The following CSMD3 variants were observed in gnomAD, a reference collection of about 807,000 sequenced individuals.
CSMD3 encodes the protein CUB and Sushi multiple domains 3, also known as CUB and sushi domain-containing protein 3.
CSMD3 carries 177 observed loss-of-function variants against 435.2 expected under a neutral mutation model. That is an observed-to-expected ratio of 0.41 (90% CI 0.36 to 0.46). The LOEUF (loss-of-function observed/expected upper bound fraction) is 0.46, where lower values mean the gene tolerates loss of function less well. Among genes scored for constraint, CSMD3 ranks in the 20% least tolerant of loss-of-function variants. CSMD3 has a pLI of 0.34. For synonymous variants in CSMD3, 1,656 were observed against 1,520.5 expected (o/e 1.09, Z -2.07); for missense variants, 4,265 against 4,504.6 (o/e 0.95, Z 1.52).
At position 113,030,150 on chromosome 8, in the gene CSMD3, C is replaced by G. The variant is rs554317604; in HGVS notation, c.918-10971G>C. On this transcript the variant is annotated intron_variant, in intron 5 of 70. Transcript: ENST00000297405. ...TAGACAACACAAACAAATGGAAACA[C>G]ATCCCATGCTCATGGATGGGTGGAA... Among the ~76,000 whole-genome samples the G allele has an allele frequency of 6.6e-5, 10 of 151,422 alleles. 1 individual carries two copies. The highest frequency in any genetic ancestry group is 1.0e-4 in the Non-Finnish European group (7 of 67,670).
intron 20 of CSMD3, among the ~76,000 whole-genome samples, chr8:112,639,673 G>T (rs1211529216): frequency 1.3e-5 from 2 of 152,002 alleles, no homozygotes; most frequent in Admixed American, 6.6e-5. Context: ...TTATAGATTG[G>T]AATCATATAT....
intron 1 of CSMD3, among the ~76,000 whole-genome samples, chr8:113,395,608 C>CA (rs34549872): frequency 0.058 from 6,411 of 110,464 alleles, 198 homozygotes; most frequent in African/African-American, 0.081. Context: ...GACTCCGTCT[C>CA]AAAAAAAAAA....
intron 2 of CSMD3, among the ~76,000 whole-genome samples, chr8:113,284,733 C>T (rs1286335012): frequency 6.6e-6 from 1 of 151,928 alleles, no homozygotes; most frequent in African/African-American, 2.4e-5. Flanking sequence ...GCTATTTTTC[C>T]ATGTAATTAT....
At chr8:112,874,316 G>GT (rs902452920) in intron 10 of CSMD3, among the ~76,000 whole-genome samples, 8 of 152,084 alleles carry the variant, frequency 5.3e-5, no homozygotes, top group Non-Finnish European at 7.4e-5. Context: ...GATGAGGAGT[G>GT]TTTTACTTCC....
At chr8:112,894,361 G>T (rs566411272) in intron 10 of CSMD3, among the ~76,000 whole-genome samples, 2 of 151,280 alleles carry the variant, frequency 1.3e-5, no homozygotes, top group East Asian at 2.0e-4. Context: ...GTCACAGGGT[G>T]AGCACTCTAA....
At chr8:113,031,820 T>C (rs1208455147) in intron 5 of CSMD3, among the ~76,000 whole-genome samples, 1 of 151,544 alleles carries the variant, frequency 6.6e-6, no homozygotes. Context: ...CCAAATCTCA[T>C]CTTGAATTGT....
chr8:112,277,745 T>C lies in CSMD3; in HGVS notation c.9508+3429A>G, dbSNP rs554376707. The stretch of plus-strand genomic sequence containing the variant: ...AGTGGCTGGGGAGGCCTCACAATTA[T>C]AGCAGAAGGAGAAAGGCACATCTTA... On this transcript the variant is annotated intron_variant, in intron 59 of 70. Coordinates refer to ENST00000297405, the MANE Select transcript of CSMD3 (RefSeq NM_198123.2). 3.9e-5 allele frequency among the ~76,000 whole-genome samples: 6 copies of C among 152,212 alleles called. No individual in the cohort carries two copies. The South Asian group carries it at 1.2e-3, about 32-fold the overall frequency.
At chr8:112,694,349 T>G (rs2076206443) in intron 13 of CSMD3, among the ~76,000 whole-genome samples, 1 of 152,118 alleles carries the variant, frequency 6.6e-6, no homozygotes, top group Non-Finnish European at 1.5e-5. Flanking sequence ...AAACATTTAT[T>G]TATATGTTTA....
chr8:113,261,975 T>C (rs1237018538), intron 3 of CSMD3, among the ~76,000 whole-genome samples: 1 of 152,080 alleles, frequency 6.6e-6, no homozygotes, highest in South Asian at 2.1e-4. Flanking sequence ...CCACTTCACA[T>C]TTTGAAGAAT....
At chr8:112,383,169 G>A (rs1829630984) in intron 37 of CSMD3, among the ~76,000 whole-genome samples, 1 of 151,836 alleles carries the variant, frequency 6.6e-6, no homozygotes, top group African/African-American at 2.4e-5. Flanking sequence ...TCATTTAACA[G>A]TACCTTGTAG....
At chr8:112,673,822 T>C (rs983098987) in intron 16 of CSMD3, among the ~76,000 whole-genome samples, 6 of 151,980 alleles carry the variant, frequency 3.9e-5, no homozygotes, top group African/African-American at 1.4e-4. Flanking sequence ...CATTAGGGAG[T>C]AGGAAGGAGC....
intron 10 of CSMD3, among the ~76,000 whole-genome samples, chr8:112,904,458 C>T (rs1362391668): frequency 6.6e-6 from 1 of 151,120 alleles, no homozygotes; most frequent in Non-Finnish European, 1.5e-5. Context: ...ATAACAATAC[C>T]TATAGGTCAT....
At chr8:112,957,137 T>G (rs745379862) in intron 7 of CSMD3, among the ~76,000 whole-genome samples, 1 of 152,106 alleles carries the variant, frequency 6.6e-6, no homozygotes, top group Non-Finnish European at 1.5e-5. Flanking sequence ...GTATCAGGTA[T>G]TTAATATTAC....
intron 49 of CSMD3, among the ~76,000 whole-genome samples, chr8:112,313,648 A>G (rs1457501699): frequency 6.6e-6 from 1 of 152,218 alleles, no homozygotes; most frequent in Non-Finnish European, 1.5e-5. Flanking sequence ...TTTAGGACAT[A>G]TAGGATAATT....
intron 54 of CSMD3, among the ~76,000 whole-genome samples, 166 bp downstream of exon 54, chr8:112,295,667 T>C (rs2130711542): frequency 6.6e-6 from 1 of 152,056 alleles, no homozygotes; most frequent in Admixed American, 6.6e-5. Context: ...CTCTTGAACA[T>C]ATTCCACTTT....
At chr8:112,668,872 G>C (rs992080227) in intron 16 of CSMD3, among the ~76,000 whole-genome samples, 2 of 151,496 alleles carry the variant, frequency 1.3e-5, no homozygotes, top group African/African-American at 4.9e-5. Flanking sequence ...CCATGGTGTA[G>C]CAACAGTGGA....
chr8:112,272,534 T>C (rs1233533787), intron 59 of CSMD3, among the ~76,000 whole-genome samples: 4 of 151,996 alleles, frequency 2.6e-5, no homozygotes, highest in Non-Finnish European at 5.9e-5. Context: ...GAGAATAACA[T>C]GAATGGAAAA....
chr8:113,028,072 T>C lies in CSMD3; in HGVS notation c.918-8893A>G, dbSNP rs181001140. ...TTTACAAACTGAAGGTTTGTGACAA[T>C]GCTGCATTGGGCAAGTGGCATTTTT... On this transcript the variant is annotated intron_variant, in intron 5 of 70. Coordinates refer to ENST00000297405, the MANE Select transcript of CSMD3 (RefSeq NM_198123.2). Among the ~76,000 whole-genome samples the C allele has an allele frequency of 2.0e-4, 30 of 152,268 alleles. 1 individual carries two copies. Among genetic ancestry groups the C allele is most frequent in the Admixed American group, 1.4e-3 (21 of 15,284 alleles).
intron 3 of CSMD3, among the ~76,000 whole-genome samples, chr8:113,266,745 T>C (rs1158473839): frequency 1.3e-5 from 2 of 151,666 alleles, no homozygotes; most frequent in Non-Finnish European, 3.0e-5. Context: ...GAGCATTTTT[T>C]CTATAATGTT....
Sources: allele counts gnomAD v4.1 joint callset (sites outside exome capture counted in the v4.1 genomes callset), GRCh38; gene constraint gnomAD v4.1.1; transcripts MANE v1.5; gene names NCBI Gene and HGNC (gene_info 2026-07-23, HGNC 2026-07-21).